Variants in USP34 observed in about 807,000 individuals in gnomAD.
USP34 encodes the protein ubiquitin specific peptidase 34, also known as ubiquitin carboxyl-terminal hydrolase 34.
USP34 carries 70 observed loss-of-function variants against 460.3 expected under a neutral mutation model. That is an observed-to-expected ratio of 0.15 (90% CI 0.13 to 0.19). The LOEUF is 0.19. USP34 is among the 10% of genes least tolerant of loss of function. The pLI is 1.00. For missense variants in USP34, 3,985 were observed against 4,236.2 expected (o/e 0.94, Z 1.65); for synonymous variants, 1,647 against 1,405.3 (o/e 1.17, Z -3.85).
At chr2:61,278,484 T>G in intron 39 of USP34, 41 bp from the exon 40 acceptor site, 1 of 1,413,486 alleles carries the variant, frequency 7.1e-7, no homozygotes, top group Non-Finnish European at 9.5e-7. Flanking sequence ...TATAAATTTT[T>G]TATGTTTTAC....
chr2:61,395,756 C>G (rs1418032372), intron 3 of USP34, among the ~76,000 whole-genome samples: 1 of 134,862 alleles, frequency 7.4e-6, no homozygotes, highest in Admixed American at 7.6e-5. Context: ...ACAGCACTCC[C>G]GCCTGGGCGA....
intron 10 of USP34, among the ~76,000 whole-genome samples, chr2:61,363,814 C>T (rs1692345089): frequency 6.6e-6 from 1 of 151,622 alleles, no homozygotes; most frequent in African/African-American, 2.4e-5. Flanking sequence ...CAAATGTCCA[C>T]TGATGGATGA....
intron 8 of USP34, among the ~76,000 whole-genome samples, chr2:61,375,416 C>T (rs1002449222): frequency 2.0e-5 from 3 of 152,004 alleles, no homozygotes; most frequent in African/African-American, 7.2e-5. Flanking sequence ...AAAATGAAAA[C>T]ATATGATCAC....
At chr2:61,242,188 C>A (rs1688282719) in intron 51 of USP34, among the ~76,000 whole-genome samples, 1 of 152,008 alleles carries the variant, frequency 6.6e-6, no homozygotes, top group Non-Finnish European at 1.5e-5. Flanking sequence ...TTAAATAGTT[C>A]TTTCTCAGCA....
At chr2:61,366,165 C>T (rs961660141) in intron 10 of USP34, among the ~76,000 whole-genome samples, 3 of 152,210 alleles carry the variant, frequency 2.0e-5, no homozygotes, top group African/African-American at 7.2e-5. Flanking sequence ...ACTTTGTGAT[C>T]CGCCCACGTT....
At chr2:61,414,863 C>G (rs1422915099) in intron 2 of USP34, among the ~76,000 whole-genome samples, 2 of 151,936 alleles carry the variant, frequency 1.3e-5, no homozygotes, top group Non-Finnish European at 2.9e-5. Context: ...AAAGTTACAC[C>G]CTATGCAAAC....
intron 23 of USP34, among the ~76,000 whole-genome samples, chr2:61,316,166 A>T (rs974336310): frequency 3.3e-5 from 5 of 152,152 alleles, no homozygotes; most frequent in Non-Finnish European, 7.3e-5. Flanking sequence ...AGATTGTGCC[A>T]CTGCACTCCA....
chr2:61,445,534 CAAAA>C (rs35610519), intron 1 of USP34, among the ~76,000 whole-genome samples: 4 of 107,846 alleles, frequency 3.7e-5, no homozygotes, highest in Non-Finnish European at 3.9e-5. Flanking sequence ...GACTCCGTCT[CAAAA>C]AAAAAAAAAA....
intron 68 of USP34, among the ~76,000 whole-genome samples, chr2:61,212,516 G>A (rs189117916): frequency 3.2e-4 from 48 of 152,200 alleles, no homozygotes; most frequent in African/African-American, 1.0e-3. Flanking sequence ...TGCTTTTCTA[G>A]AATGATGCTC....
chr2:61,411,903 G>C (rs984953237), intron 2 of USP34, among the ~76,000 whole-genome samples: 1 of 152,078 alleles, frequency 6.6e-6, no homozygotes, highest in Non-Finnish European at 1.5e-5. Context: ...AAAACAAACA[G>C]TAAGGGCGGG....
intron 53 of USP34, among the ~76,000 whole-genome samples, chr2:61,237,554 ATTTTTTTTTTT>A (rs71403400): frequency 5.1e-4 from 23 of 45,152 alleles, no homozygotes; most frequent in South Asian, 1.1e-3. Context: ...TTTTCTGTGG[ATTTTTTTTTTT>A]TTTTTTTTTT....
intron 21 of USP34, 139 bp downstream of exon 21, chr2:61,325,236 A>G (rs1691050081): frequency 3.6e-6 from 2 of 552,360 alleles, no homozygotes; most frequent in Admixed American, 8.0e-5. Flanking sequence ...ACCCTGTAAC[A>G]AACATACATG....
chr2:61,187,585 C>CTGTT lies in USP34; in HGVS notation c.*513_*516dup, dbSNP rs762965552. 2.2e-6 allele frequency: 2 copies of CTGTT among 925,220 alleles called. No individual in the cohort carries two copies. Among genetic ancestry groups the CTGTT allele is most frequent in the Non-Finnish European group, 2.6e-6 (2 of 774,760 alleles). The allele number at this position is 925,220 out of a possible 1,614,324, so 57.3% of individuals were successfully genotyped here. ...GTGCTTTATTTCCTCCACAGGTATT[C>CTGTT]TGTTAAATAAAGCACCATTTATATA... On this transcript the variant is annotated 3_prime_UTR_variant, in exon 80 of 80. Coordinates refer to ENST00000398571, the MANE Select transcript of USP34 (RefSeq NM_014709.4).
Position 61,371,880 on chromosome 2 carries a change from A to G in USP34, c.1077-1301T>C, listed in dbSNP as rs1355815680. ...TATGTTTAGATACACAAATATTTACAAAGTGTTACAAATGCCCACAGAATT... is the reference window on the plus strand; with the variant it reads ...TATGTTTAGATACACAAATATTTACGAAGTGTTACAAATGCCCACAGAATT... On this transcript the variant is annotated intron_variant, in intron 8 of 79. Transcript: ENST00000398571. 3.3e-5 allele frequency among the ~76,000 whole-genome samples: 5 copies of G among 152,300 alleles called. No homozygotes were observed. The East Asian group carries it at 5.8e-4, about 18-fold the overall frequency.
intron 57 of USP34, 74 bp downstream of exon 57, chr2:61,235,771 A>T: frequency 6.9e-7 from 1 of 1,451,552 alleles, no homozygotes; most frequent in South Asian, 1.3e-5. Context: ...ACTCTGCTGT[A>T]GCATCTTAGA....
At chr2:61,231,645 G>A (rs1687909642) in intron 58 of USP34, among the ~76,000 whole-genome samples, 1 of 151,630 alleles carries the variant, frequency 6.6e-6, no homozygotes, top group African/African-American at 2.4e-5. Context: ...AGCCCAGGAG[G>A]TGGAAGCTGC....
chr2:61,339,688 A>G lies in USP34; in HGVS notation c.2501-7T>C, dbSNP rs200522365. The stretch of plus-strand genomic sequence containing the variant: ...TGTTTATGAACTACAGGTCCTGAAG[A>G]GAAAAAAAAAAAAAAGACACACTAT... On this transcript the variant is annotated splice_polypyrimidine_tract_variant and splice_region_variant and intron_variant, in intron 16 of 79. Coordinates refer to ENST00000398571, the MANE Select transcript of USP34 (RefSeq NM_014709.4). The G allele has an allele frequency of 5.7e-5, 78 of 1,369,642 alleles. 1 individual carries two copies. The East Asian group carries it at 1.8e-3, about 32-fold the overall frequency. The allele number at this position is 1,369,642 out of a possible 1,614,324, so 84.8% of individuals were successfully genotyped here.
At position 61,314,722 on chromosome 2, in the gene USP34, C is replaced by T. The variant is rs372004485; in HGVS notation, c.3405G>A (p.Glu1135=). The T allele has an allele frequency of 2.5e-6, 4 of 1,583,544 alleles. No homozygotes were observed. Among genetic ancestry groups the T allele is most frequent in the Non-Finnish European group, 3.4e-6 (4 of 1,169,572 alleles). Residue 1135 remains glutamate, a synonymous_variant, in exon 25 of 80, where the codon GAG becomes GAA. Coordinates refer to ENST00000398571, the MANE Select transcript of USP34 (RefSeq NM_014709.4). ...YINGKTGLEK[E]QEFISKCMES... ...CCATGCACTTACTAATAAATTCTTG[C>T]TCCTTCTCCAAACCTGTTTTACCTG... is the stretch of plus-strand genomic sequence containing the variant.
At chr2:61,203,031 C>CA in intron 75 of USP34, 109 bp downstream of exon 75, 1 of 1,166,970 alleles carries the variant, frequency 8.6e-7, no homozygotes. Context: ...TTTAAGCATT[C>CA]ACTTTAAAAA....
Sources: gnomAD v4.1 joint callset for allele counts (sites outside exome capture counted in the v4.1 genomes callset) on GRCh38, gnomAD v4.1.1 for gene constraint, MANE v1.5 for transcripts, NCBI Gene and HGNC (gene_info 2026-07-23, HGNC 2026-07-21) for gene names.